PDE4D: variants seen among roughly 807,000 people sequenced by gnomAD.
PDE4D encodes phosphodiesterase 4D.
A neutral mutation model predicts 87.4 loss-of-function variants in PDE4D; 24 were observed. That is an observed-to-expected ratio of 0.27 (90% confidence interval 0.20 to 0.39). The LOEUF (loss-of-function observed/expected upper bound fraction) is 0.39. Ranked by LOEUF, PDE4D falls within the 10% of genes least tolerant of loss-of-function variation. The probability of loss-of-function intolerance (pLI) is 1.00; values close to 1 mark genes in which losing one functional copy is unlikely to be tolerated. For synonymous variants in PDE4D, 384 were observed against 383.2 expected (o/e 1.00, Z -0.02); for missense variants, 714 against 1,041.0 (o/e 0.69, Z 4.32).
chr5:60,188,251 G>A (rs1224188545), intron 1 of PDE4D: 3 of 152,126 alleles, frequency 2.0e-5, no homozygotes, highest in African/African-American at 7.2e-5. Flanking sequence ...ACTCTTTAAG[G>A]AGATGTTGGT....
intron 2 of PDE4D, among the ~76,000 whole-genome samples, chr5:60,028,737 A>AT (rs1383140302): frequency 6.6e-6 from 1 of 151,866 alleles, no homozygotes; most frequent in Non-Finnish European, 1.5e-5. Flanking sequence ...ACTTCCTTGC[A>AT]TTTTTTTCTC....
At chr5:60,402,723 C>T (rs1267609185) in intron 1 of PDE4D, among the ~76,000 whole-genome samples, 1 of 152,196 alleles carries the variant, frequency 6.6e-6, no homozygotes, top group Non-Finnish European at 1.5e-5. Flanking sequence ...TATGTTGATG[C>T]TTAATATCCA....
At chr5:59,103,406 G>T (rs1440872071) in intron 5 of PDE4D, among the ~76,000 whole-genome samples, 1 of 152,034 alleles carries the variant, frequency 6.6e-6, no homozygotes, top group Non-Finnish European at 1.5e-5. Context: ...CTGGTCCACA[G>T]ATGTGACTTG....
intron 1 of PDE4D, among the ~76,000 whole-genome samples, chr5:59,712,059 A>T (rs1754273175): frequency 6.6e-6 from 1 of 152,052 alleles, no homozygotes; most frequent in African/African-American, 2.4e-5. Context: ...TTGACTTCTG[A>T]TGCATGGACC....
rs539630445 is a variant in PDE4D, at chr5:59,527,813, C to T, written c.456-311845G>A. Among the ~76,000 whole-genome samples, 21 of 152,322 alleles carry T rather than the reference C, an allele frequency of 1.4e-4. No homozygotes were observed. In the South Asian group the frequency reaches 4.3e-3, roughly 32 times the overall value. ...AATCAAATGCAAGATATTTGGCTAA[C>T]ATACAATCACCATGAGCTAGGAATA... On this transcript the variant is annotated intron_variant, in intron 1 of 14. Coordinates refer to ENST00000340635, the MANE Select transcript of PDE4D (RefSeq NM_001104631.2).
chr5:58,996,953 C>A (rs887265045), intron 6 of PDE4D, among the ~76,000 whole-genome samples: 1 of 152,040 alleles, frequency 6.6e-6, no homozygotes, highest in Non-Finnish European at 1.5e-5. Flanking sequence ...GTTTAAAACA[C>A]AAAAACATGG....
At chr5:59,086,474 A>C (rs1423014443) in intron 5 of PDE4D, among the ~76,000 whole-genome samples, 1 of 151,984 alleles carries the variant, frequency 6.6e-6, no homozygotes, top group Non-Finnish European at 1.5e-5. Flanking sequence ...ACTACTTCTC[A>C]ATCTCTTTGT....
chr5:59,487,006 A>G (rs535689910), intron 1 of PDE4D, among the ~76,000 whole-genome samples: 2 of 152,332 alleles, frequency 1.3e-5, no homozygotes, highest in South Asian at 4.1e-4. Flanking sequence ...TTTCCAGCCT[A>G]AGAGTTGTCT....
chr5:59,971,284 C>A, intron 3 of PDE4D, among the ~76,000 whole-genome samples: 1 of 150,694 alleles, frequency 6.6e-6, no homozygotes, highest in African/African-American at 2.4e-5. Flanking sequence ...GTGCAGCGCA[C>A]CAGCATGGCA....
chr5:59,020,501 G>A (rs904328541), intron 6 of PDE4D, among the ~76,000 whole-genome samples: 2 of 151,790 alleles, frequency 1.3e-5, no homozygotes, highest in Non-Finnish European at 2.9e-5. Context: ...AAGTGATGAT[G>A]TCAGTAAAGA....
At chr5:60,102,311 T>C (rs979113556) in intron 2 of PDE4D, among the ~76,000 whole-genome samples, 2 of 152,120 alleles carry the variant, frequency 1.3e-5, no homozygotes, top group African/African-American at 2.4e-5. Flanking sequence ...ATTTGTTACA[T>C]GGGAGTATTG....
At chr5:60,035,957 C>A (rs1051836024) in intron 2 of PDE4D, among the ~76,000 whole-genome samples, 1 of 152,152 alleles carries the variant, frequency 6.6e-6, no homozygotes, top group African/African-American at 2.4e-5. Flanking sequence ...TACACAACAA[C>A]CAAATAAGTT....
At chr5:59,909,345 C>G (rs1753183827) in intron 3 of PDE4D, among the ~76,000 whole-genome samples, 1 of 152,066 alleles carries the variant, frequency 6.6e-6, no homozygotes, top group Non-Finnish European at 1.5e-5. Context: ...GAACCAGAAT[C>G]TCTGGAGTAA....
chr5:59,025,221 C>T (rs2153380064), intron 6 of PDE4D, among the ~76,000 whole-genome samples: 1 of 152,134 alleles, frequency 6.6e-6, no homozygotes, highest in Non-Finnish European at 1.5e-5. Context: ...GATAACCCTT[C>T]CAATTTTGAA....
At chr5:59,120,224 G>C (rs750447565) in intron 5 of PDE4D, among the ~76,000 whole-genome samples, 4 of 152,116 alleles carry the variant, frequency 2.6e-5, no homozygotes, top group Non-Finnish European at 5.9e-5. Context: ...AATCTGAAAA[G>C]ATTCATTATT....
chr5:59,181,000 T>C (rs1473937644), intron 4 of PDE4D, among the ~76,000 whole-genome samples: 1 of 152,226 alleles, frequency 6.6e-6, no homozygotes, highest in Non-Finnish European at 1.5e-5. Context: ...TATAATTGTC[T>C]TCCCTAATAC....
intron 1 of PDE4D, among the ~76,000 whole-genome samples, chr5:59,677,730 G>T (rs1024924434): frequency 2.0e-5 from 3 of 152,116 alleles, no homozygotes; most frequent in African/African-American, 7.2e-5. Context: ...AATAGAAAGG[G>T]TTTCCGAATC....
At chr5:60,391,666 C>T (rs1762569447) in intron 1 of PDE4D, among the ~76,000 whole-genome samples, 1 of 152,130 alleles carries the variant, frequency 6.6e-6, no homozygotes, top group Admixed American at 6.5e-5. Context: ...GAATTGGGCC[C>T]ACCAGGATAA....
At chr5:59,765,501 T>C (rs530121315) in intron 1 of PDE4D, among the ~76,000 whole-genome samples, 1 of 152,330 alleles carries the variant, frequency 6.6e-6, no homozygotes, top group South Asian at 2.1e-4. Flanking sequence ...AGAGCTATGT[T>C]TCCCAGCCTC....
Sources: gnomAD v4.1 joint callset for allele counts (sites outside exome capture counted in the v4.1 genomes callset) on GRCh38, gnomAD v4.1.1 for gene constraint, MANE v1.5 for transcripts, NCBI Gene and HGNC (gene_info 2026-07-23, HGNC 2026-07-21) for gene names.